The following SLC28A3 variants were observed in gnomAD, a reference collection of about 807,000 sequenced individuals.
SLC28A3 encodes the protein concentrative Na(+)-nucleoside cotransporter 3.
In SLC28A3, 68 loss-of-function variants were observed where a neutral mutation model predicts 84.2. The observed-to-expected ratio is 0.81, with a 90% CI of 0.66 to 0.99. The LOEUF (loss-of-function observed/expected upper bound fraction) is 0.99. Among genes scored for constraint, SLC28A3 ranks in the 50% least tolerant of loss-of-function variants. The pLI, the probability that SLC28A3 is intolerant of heterozygous loss-of-function variation, is 0.00. For missense variants in SLC28A3, 712 were observed against 841.5 expected (o/e 0.85, Z 1.90); for synonymous variants, 267 against 303.6 (o/e 0.88, Z 1.25).
intron 1 of SLC28A3, 148 bp downstream of exon 1, chr9:84,340,426 G>T: frequency 1.3e-6 from 1 of 796,302 alleles, no homozygotes; most frequent in Non-Finnish European, 2.0e-6. Context: ...AAGAGCCCAA[G>T]AAGAAAAAAT....
At position 84,278,028 on chromosome 9, in the gene SLC28A3, T is replaced by G; in HGVS notation, c.*190A>C. On this transcript the variant is annotated 3_prime_UTR_variant, in exon 18 of 18. Coordinates refer to ENST00000376238, the MANE Select transcript of SLC28A3 (RefSeq NM_001199633.2). ...CAGTTCTTGGTGGGGAAGGGGCTGG[T>G]GGGGAGGGAGGGGAGGAGGAAAATG... 1.5e-6 allele frequency: 1 copy of G among 653,164 alleles called. No homozygotes were observed. Among genetic ancestry groups the G allele is most frequent in the Non-Finnish European group, 2.5e-6 (1 of 406,034 alleles). 40.5% of individuals were successfully genotyped at this position (653,164 alleles called of 1,614,324 possible).
At chr9:84,320,320 G>T (rs1476803222) in intron 1 of SLC28A3, among the ~76,000 whole-genome samples, 1 of 151,936 alleles carries the variant, frequency 6.6e-6, no homozygotes, top group Non-Finnish European at 1.5e-5. Context: ...CTCCCAAAGT[G>T]CTGGGATTAC....
At chr9:84,330,477 T>C (rs557985782) in intron 1 of SLC28A3, among the ~76,000 whole-genome samples, 1 of 152,170 alleles carries the variant, frequency 6.6e-6, no homozygotes, top group African/African-American at 2.4e-5. Flanking sequence ...AGAATAACCA[T>C]CAGTGGCAAG....
At chr9:84,309,395 C>T (rs950286290) in intron 3 of SLC28A3, among the ~76,000 whole-genome samples, 6 of 151,460 alleles carry the variant, frequency 4.0e-5, no homozygotes, top group African/African-American at 1.2e-4. Context: ...TGGTGGCATG[C>T]GCCTGTAGTC....
intron 1 of SLC28A3, among the ~76,000 whole-genome samples, chr9:84,314,353 T>C (rs1369242773): frequency 6.6e-6 from 1 of 152,170 alleles, no homozygotes; most frequent in African/African-American, 2.4e-5. Flanking sequence ...TTTATCTTTT[T>C]TGAGGTATCT....
At chr9:84,293,731 G>A (rs1376255274) in intron 9 of SLC28A3, among the ~76,000 whole-genome samples, 1 of 152,166 alleles carries the variant, frequency 6.6e-6, no homozygotes, top group African/African-American at 2.4e-5. Context: ...ACTCCCTCAG[G>A]AGTGAAAAGC....
At chr9:84,285,235 T>C in intron 14 of SLC28A3, 110 bp downstream of exon 14, 1 of 1,083,690 alleles carries the variant, frequency 9.2e-7, no homozygotes, top group Non-Finnish European at 1.3e-6. Flanking sequence ...TTTTGCTCTC[T>C]AATCTATCCC....
intron 14 of SLC28A3, among the ~76,000 whole-genome samples, chr9:84,283,737 G>A (rs1824863076): frequency 6.6e-6 from 1 of 152,186 alleles, no homozygotes; most frequent in Admixed American, 6.5e-5. Context: ...TATCTCAGAT[G>A]GAGGTTGGCA....
intron 1 of SLC28A3, among the ~76,000 whole-genome samples, chr9:84,336,984 T>C (rs1364068889): frequency 6.6e-6 from 1 of 152,166 alleles, no homozygotes; most frequent in African/African-American, 2.4e-5. Flanking sequence ...GCTCCAGCTA[T>C]ATATTATTTA....
At chr9:84,295,602 C>T (rs1825383962) in intron 8 of SLC28A3, among the ~76,000 whole-genome samples, 1 of 151,694 alleles carries the variant, frequency 6.6e-6, no homozygotes. Context: ...AACAAACAAA[C>T]AAACAAAACA....
upstream of SLC28A3, chr9:84,340,766 T>C: frequency 1.1e-6 from 1 of 951,480 alleles, no homozygotes; most frequent in South Asian, 1.5e-5. Flanking sequence ...TTTGGAAACT[T>C]CTGCAATAAT....
Sources: gnomAD v4.1 joint callset for allele counts (sites outside exome capture counted in the v4.1 genomes callset) on GRCh38, gnomAD v4.1.1 for gene constraint, MANE v1.5 for transcripts, NCBI Gene and HGNC (gene_info 2026-07-23, HGNC 2026-07-21) for gene names.